LRCH2: variants seen among roughly 807,000 people sequenced by gnomAD.
The protein encoded by LRCH2 is leucine-rich repeat and calponin homology domain-containing protein 2.
A neutral mutation model predicts 68.9 loss-of-function variants in LRCH2; 38 were observed. That is an observed-to-expected ratio of 0.55 (90% confidence interval 0.43 to 0.72). The LOEUF (loss-of-function observed/expected upper bound fraction) is 0.72, where lower values mean the gene tolerates loss of function less well. Ranked by LOEUF, LRCH2 falls within the 30% of genes least tolerant of loss-of-function variation. The pLI is 0.00. For missense variants in LRCH2, 528 were observed against 572.9 expected, an observed-to-expected ratio of 0.92 and a Z score of 0.80; for synonymous variants, 191 against 208.1, an observed-to-expected ratio of 0.92 and a Z score of 0.71.
chrX:115,117,917 C>T (rs190470220), intron 20 of LRCH2, among the ~76,000 whole-genome samples: 132 of 109,879 alleles, frequency 1.2e-3, no homozygotes, highest in Non-Finnish European at 1.8e-3. Flanking sequence ...TATTTATATG[C>T]CCTATATTGT....
intron 1 of LRCH2, among the ~76,000 whole-genome samples, chrX:115,209,155 C>A (rs1352018573): frequency 3.6e-5 from 4 of 112,394 alleles, no homozygotes; most frequent in African/African-American, 1.3e-4. Context: ...TACACATACA[C>A]CCTATATGCT....
chrX:115,203,588 T>C (rs782433821), intron 1 of LRCH2, among the ~76,000 whole-genome samples: 4 of 112,227 alleles, frequency 3.6e-5, no homozygotes, highest in African/African-American at 6.5e-5. Context: ...ATGGGGGAAA[T>C]TGGCCAAAAT....
At chrX:115,196,213 C>T (rs782578862) in intron 1 of LRCH2, among the ~76,000 whole-genome samples, 2 of 111,306 alleles carry the variant, frequency 1.8e-5, no homozygotes, top group Non-Finnish European at 3.8e-5. Flanking sequence ...TTCTATGGCT[C>T]ATGGCTGAAT....
At chrX:115,191,430 C>A (rs1209297902) in intron 1 of LRCH2, 1 of 1,147,040 alleles carries the variant, frequency 8.7e-7, no homozygotes, top group African/African-American at 1.9e-5. Context: ...GCAACTGCTA[C>A]GGAGGAGGAG....
chrX:115,165,440 T>C lies in LRCH2; in HGVS notation c.1320A>G (p.Lys440=). Residue 440 remains lysine, a synonymous_variant, in exon 10 of 21, where the codon AAA becomes AAG. Coordinates refer to ENST00000317135, the MANE Select transcript of LRCH2 (RefSeq NM_020871.4). The part of the protein sequence containing the change: ...FFKGKEKCSE[K]SRKNEELGDE... Reference sequence around the variant, plus strand: ...CTCCTAATTCTTCATTTTTCCGAGATTTTTCAGAACATTTTTCTTTTCCCT... The same window carrying C: ...CTCCTAATTCTTCATTTTTCCGAGACTTTTCAGAACATTTTTCTTTTCCCT... 8.8e-7 allele frequency: 1 copy of C among 1,136,251 alleles called. No homozygotes were observed. Among genetic ancestry groups the C allele is most frequent in the South Asian group, 2.0e-5 (1 of 50,453 alleles). The allele number at this position is 1,136,251 out of a possible 1,213,427, so 93.6% of individuals were successfully genotyped here. A position where few individuals can be genotyped will look rare whatever the true frequency, so the allele number is the denominator to read the frequency against.
Position 115,123,106 on chromosome X carries a change from G to C in LRCH2, c.1936C>G (p.Arg646Gly), listed in dbSNP as rs781943107. ...TTGCGAAGTTGTCGTATTTGCTCTC[G>C]CTCTTCCCGTAAATGTTCCATCTTT... Reference protein sequence around the residue: ...RRKMEHLREEREQIRQLRNNL... With the variant: ...RRKMEHLREEGEQIRQLRNNL... The change falls in exon 18 of 21, where the codon CGA (arginine) becomes GGA (glycine). Residue 646 changes from arginine (R) to glycine (G), a missense_variant. Transcript: ENST00000317135. 3 of 1,206,958 alleles carry C rather than the reference G, an allele frequency of 2.5e-6. No individual in the cohort carries two copies. Among genetic ancestry groups the C allele is most frequent in the Non-Finnish European group, 3.4e-6 (3 of 893,740 alleles).
chrX:115,125,598 T>C lies in LRCH2; in HGVS notation c.1791+1245A>G, dbSNP rs1408074733. Reference sequence around the variant, plus strand: ...ACACACACACATATATATATACACATATATATACGTATATATATATGTATA... The same window carrying C: ...ACACACACACATATATATATACACACATATATACGTATATATATATGTATA... On this transcript the variant is annotated intron_variant, in intron 16 of 20. Transcript: ENST00000317135. Among the ~76,000 whole-genome samples the C allele has an allele frequency of 4.9e-4, 10 of 20,210 alleles. 4 individuals are homozygous for C. In the East Asian group the frequency reaches 0.083, roughly 167 times the overall value. 17.5% of individuals were successfully genotyped at this position (20,210 alleles called of 115,157 possible). A position where few individuals can be genotyped will look rare whatever the true frequency, so the allele number is the denominator to read the frequency against.
intron 12 of LRCH2, among the ~76,000 whole-genome samples, chrX:115,153,187 TGAC>T (rs2072446621): frequency 9.5e-6 from 1 of 105,669 alleles, no homozygotes; most frequent in African/African-American, 3.5e-5. Flanking sequence ...CTGGGTGGGA[TGAC>T]ACATGCCTGT....
chrX:115,217,287 G>A (rs1157557916), intron 1 of LRCH2, among the ~76,000 whole-genome samples: 2 of 111,266 alleles, frequency 1.8e-5, no homozygotes, highest in Non-Finnish European at 3.8e-5. Flanking sequence ...GTGCAGGTTT[G>A]TTACATAGGT....
chrX:115,125,147 C>T lies in LRCH2; in HGVS notation c.1792-1145G>A, dbSNP rs200698578. 3.7e-5 allele frequency among the ~76,000 whole-genome samples: 4 copies of T among 109,024 alleles called. No individual in the cohort carries two copies. In the East Asian group the frequency reaches 1.1e-3, roughly 31 times the overall value. The allele number at this position is 109,024 out of a possible 115,157, so 94.7% of individuals were successfully genotyped here. A position where few individuals can be genotyped will look rare whatever the true frequency, so the allele number is the denominator to read the frequency against. On this transcript the variant is annotated intron_variant, in intron 16 of 20. Coordinates refer to ENST00000317135, the MANE Select transcript of LRCH2 (RefSeq NM_020871.4). Reference sequence around the variant, plus strand: ...AAAAAATATATTACAAAACTCACACCTGTAATCTCAACATTTTGGGAGGCC... The same window carrying T: ...AAAAAATATATTACAAAACTCACACTTGTAATCTCAACATTTTGGGAGGCC...
rs138359427 is a variant in LRCH2, at chrX:115,189,317, C to A, written c.350-947G>T. The A allele has an allele frequency of 2.4e-3, 1,621 of 685,209 alleles. 19 individuals are homozygous for A. The African/African-American group carries it at 0.031, about 13-fold the overall frequency. 56.5% of individuals were successfully genotyped at this position (685,209 alleles called of 1,213,427 possible). A position where few individuals can be genotyped will look rare whatever the true frequency, so the allele number is the denominator to read the frequency against. ...GAACTATGACGTAAGGTACTCTTTTCCTTCTTGAGACATCCACCCCCCCAA... is the reference window on the plus strand; with the variant it reads ...GAACTATGACGTAAGGTACTCTTTTACTTCTTGAGACATCCACCCCCCCAA... On this transcript the variant is annotated intron_variant, in intron 1 of 20. Coordinates refer to ENST00000317135, the MANE Select transcript of LRCH2 (RefSeq NM_020871.4).
chrX:115,219,130 C>G (rs2073061944), intron 1 of LRCH2, among the ~76,000 whole-genome samples: 1 of 112,006 alleles, frequency 8.9e-6, no homozygotes, highest in African/African-American at 3.3e-5. Flanking sequence ...CTTAAGCAGG[C>G]TTCAGATTGC....
In LRCH2 at chrX:115,157,996, A is replaced by C. The variant is rs782483687; in HGVS notation, c.1464-1329T>G. ...GTACTTGAGAATTCACCTATGTAAAATTTTGCTATGTTCATTATTTTATGA... is the reference window on the plus strand; with the variant it reads ...GTACTTGAGAATTCACCTATGTAAACTTTTGCTATGTTCATTATTTTATGA... On this transcript the variant is annotated intron_variant, in intron 11 of 20. Coordinates refer to ENST00000317135, the MANE Select transcript of LRCH2 (RefSeq NM_020871.4). 4.5e-5 allele frequency among the ~76,000 whole-genome samples: 5 copies of C among 111,603 alleles called. No individual in the cohort carries two copies. The East Asian group carries it at 1.4e-3, about 31-fold the overall frequency.
intron 1 of LRCH2, among the ~76,000 whole-genome samples, chrX:115,193,799 C>A (rs1186718809): frequency 9.0e-6 from 1 of 111,371 alleles, no homozygotes; most frequent in African/African-American, 3.3e-5. Flanking sequence ...GCAACAACCT[C>A]TATTCATGGC....
At chrX:115,132,461 C>G (rs1057076931) in intron 14 of LRCH2, among the ~76,000 whole-genome samples, 1 of 111,596 alleles carries the variant, frequency 9.0e-6, no homozygotes, top group African/African-American at 3.3e-5. Flanking sequence ...CCTTTACATA[C>G]GCAGCATTAT....
Position 115,191,612 on chromosome X carries a change from C to T in LRCH2, c.350-3242G>A, listed in dbSNP as rs782119653. ...CTTGATGCCAACAGCGGAGGCCGCTCGCCTGACACCTACAGCCGGGGCCAC... is the reference window on the plus strand; with the variant it reads ...CTTGATGCCAACAGCGGAGGCCGCTTGCCTGACACCTACAGCCGGGGCCAC... On this transcript the variant is annotated intron_variant, in intron 1 of 20. Coordinates refer to ENST00000317135, the MANE Select transcript of LRCH2 (RefSeq NM_020871.4). The T allele has an allele frequency of 5.4e-5, 59 of 1,085,849 alleles. No individual in the cohort carries two copies. The Middle Eastern group carries it at 3.0e-3, about 55-fold the overall frequency. The allele number at this position is 1,085,849 out of a possible 1,213,427, so 89.5% of individuals were successfully genotyped here. A position where few individuals can be genotyped will look rare whatever the true frequency, so the allele number is the denominator to read the frequency against.
chrX:115,218,363 C>T (rs961862417), intron 1 of LRCH2, among the ~76,000 whole-genome samples: 1 of 112,040 alleles, frequency 8.9e-6, no homozygotes. Context: ...GGCCGTTTCA[C>T]GCTGACTTCC....
chrX:115,171,738 G>C (rs968844737), intron 5 of LRCH2, among the ~76,000 whole-genome samples: 3 of 108,165 alleles, frequency 2.8e-5, no homozygotes, highest in Admixed American at 9.9e-5. Flanking sequence ...CCAGGCTGGA[G>C]TGCAGTGGCA....
Position 115,111,348 on chromosome X carries a change from G to A in LRCH2, c.*1868C>T, listed in dbSNP as rs367585078. The A allele has an allele frequency of 3.6e-5, 4 of 110,845 alleles. No individual in the cohort carries two copies. The South Asian group carries it at 1.1e-3, about 32-fold the overall frequency. 9.1% of individuals were successfully genotyped at this position (110,845 alleles called of 1,213,427 possible). A position where few individuals can be genotyped will look rare whatever the true frequency, so the allele number is the denominator to read the frequency against. On this transcript the variant is annotated 3_prime_UTR_variant, in exon 21 of 21. Transcript: ENST00000317135. Reference sequence around the variant, plus strand: ...AAAGATATGAAACAGGACAACACTTGTAAAATAATTCATACTAGATTGATT... The same window carrying A: ...AAAGATATGAAACAGGACAACACTTATAAAATAATTCATACTAGATTGATT...
Sources: gnomAD v4.1 joint callset for allele counts (sites outside exome capture counted in the v4.1 genomes callset) on GRCh38, gnomAD v4.1.1 for gene constraint, MANE v1.5 for transcripts, NCBI Gene and HGNC (gene_info 2026-07-23, HGNC 2026-07-21) for gene names.